NLRC5: variants seen among roughly 807,000 people sequenced by gnomAD.
NLRC5 encodes protein NLRC5.
In NLRC5, 114 loss-of-function variants were observed where a neutral mutation model predicts 206.9. The ratio of observed to expected loss-of-function variants is 0.55; its 90% CI spans 0.47 to 0.64. NLRC5 has a LOEUF of 0.64. Ranked by LOEUF, NLRC5 falls within the 30% of genes least tolerant of loss-of-function variation. The pLI is 0.00. For missense variants in NLRC5, 2,008 were observed against 2,305.5 expected (o/e 0.87, Z 2.64); for synonymous variants, 952 against 962.8 (o/e 0.99, Z 0.21).
intron 27 of NLRC5, among the ~76,000 whole-genome samples, chr16:57,056,287 C>A (rs2065646749): frequency 6.6e-6 from 1 of 152,156 alleles, no homozygotes; most frequent in Non-Finnish European, 1.5e-5. Flanking sequence ...CTGATAAAAT[C>A]ATGGATTTCT....
At chr16:57,070,685 G>C in intron 38 of NLRC5, 67 bp downstream of exon 38, 1 of 1,367,598 alleles carries the variant, frequency 7.3e-7, no homozygotes, top group South Asian at 1.2e-5. Flanking sequence ...GGAAGTGGGT[G>C]AGTGGTGGGG....
intron 39 of NLRC5, 86 bp downstream of exon 39, chr16:57,074,769 C>T: frequency 7.7e-7 from 1 of 1,298,900 alleles, no homozygotes; most frequent in Non-Finnish European, 1.1e-6. Flanking sequence ...GCACTGAGGC[C>T]ACCTCCCAGG....
chr16:57,069,870 G>A lies in NLRC5; in HGVS notation c.4534G>A (p.Ala1512Thr), dbSNP rs758530512. 3.7e-6 allele frequency: 6 copies of A among 1,601,212 alleles called. No individual in the cohort carries two copies. Among genetic ancestry groups the A allele is most frequent in the African/African-American group, 1.3e-5 (1 of 74,866 alleles). The stretch of plus-strand genomic sequence containing the variant: ...CAGCTGTGTGAGCACCGAGGGCCTC[G>A]CCCACCTGGCATCTGGTCTGGGCCA... ...TSSCVSTEGL[A>T]HLASGLGHCH... The change falls in exon 37 of 49, where the codon GCC (alanine) becomes ACC (threonine). Residue 1512 changes from alanine to threonine, a missense_variant. Coordinates refer to ENST00000688547, the MANE Select transcript of NLRC5 (RefSeq NM_001384950.1).
chr16:57,036,347 C>T (rs189913085), intron 14 of NLRC5, among the ~76,000 whole-genome samples, 164 bp downstream of exon 14: 278 of 152,354 alleles, frequency 1.8e-3, no homozygotes, highest in Non-Finnish European at 3.2e-3. Context: ...CCTTCACCTC[C>T]GGCATGAGCC....
chr16:57,015,602 A>G (rs6499864), intron 1 of NLRC5, among the ~76,000 whole-genome samples: 35,886 of 97,828 alleles, frequency 0.37, 5,005 homozygotes, highest in South Asian at 0.48. Flanking sequence ...AAATAAATAA[A>G]TAAATAAATA....
intron 2 of NLRC5, among the ~76,000 whole-genome samples, chr16:57,017,563 C>T (rs1567534075): frequency 1.3e-5 from 2 of 152,198 alleles, no homozygotes; most frequent in East Asian, 3.8e-4. Flanking sequence ...GCTCTTGCTT[C>T]CTGTCTCGTG....
At chr16:57,055,002 G>A (rs1239748989) in intron 25 of NLRC5, 30 bp from the exon 26 acceptor site, 1 of 1,613,904 alleles carries the variant, frequency 6.2e-7, no homozygotes. Context: ...TGTGGCCACA[G>A]CTGTCTGACC....
chr16:57,006,423 T>TTTTTG (rs2058916691), intron 1 of NLRC5, among the ~76,000 whole-genome samples: 1 of 95,430 alleles, frequency 1.0e-5, no homozygotes, highest in Admixed American at 1.0e-4. Flanking sequence ...CTTTTTTTTT[T>TTTTTG]TTTTTTTTTT....
At chr16:57,041,944 C>G in intron 18 of NLRC5, 38 bp from the exon 19 acceptor site, 3 of 1,428,160 alleles carry the variant, frequency 2.1e-6, no homozygotes, top group Non-Finnish European at 2.8e-6. Context: ...CCACTCCCCA[C>G]CTGCTAATGT....
rs761503479 is a variant in NLRC5 at position 57,076,805 on chromosome 16, C to A, written c.4752-14C>A. ...GCTCCTGAAAGCCTCTTGGTCTATT[C>A]CCTGCTTTTCCAGACTGAACAGGAA... is the stretch of plus-strand genomic sequence containing the variant. On this transcript the variant is annotated splice_polypyrimidine_tract_variant and intron_variant, in intron 39 of 48. Transcript: ENST00000688547. 1.2e-5 allele frequency: 19 copies of A among 1,613,586 alleles called. No individual in the cohort carries two copies. Among genetic ancestry groups the A allele is most frequent in the South Asian group, 3.3e-5 (3 of 91,082 alleles).
chr16:57,066,424 G>A (rs771243564), intron 33 of NLRC5, 110 bp from the exon 34 acceptor site: 31 of 888,934 alleles, frequency 3.5e-5, no homozygotes, highest in Non-Finnish European at 5.1e-5. Flanking sequence ...AGGGGAGAAG[G>A]GGACCCAGGC....
At chr16:57,074,806 C>A in intron 39 of NLRC5, 123 bp downstream of exon 39, 1 of 890,660 alleles carries the variant, frequency 1.1e-6, no homozygotes, top group Non-Finnish European at 1.8e-6. Context: ...CCTCCCAGGC[C>A]CATCCCTGTG....
At chr16:57,044,237 G>A (rs911560618) in intron 20 of NLRC5, among the ~76,000 whole-genome samples, 3 of 151,492 alleles carry the variant, frequency 2.0e-5, no homozygotes, top group African/African-American at 4.9e-5. Flanking sequence ...CCCAGGAGGC[G>A]AAGGTTGCAG....
In NLRC5 at chr16:57,063,496, C is replaced by G. The variant is rs139296624; in HGVS notation, c.4155-1716C>G. On this transcript the variant is annotated intron_variant, in intron 32 of 48. Transcript: ENST00000688547. ...GTATCCACTTATCCATCAATTGACA[C>G]TTGGGTTGTCCATTCAAGTGCCCAA... is the stretch of plus-strand genomic sequence containing the variant. Among the ~76,000 whole-genome samples, 861 of 152,272 alleles carry G rather than the reference C, an allele frequency of 5.7e-3. 8 individuals carry two copies. The highest frequency in any genetic ancestry group is 0.019 in the African/African-American group (770 of 41,550).
chr16:57,064,051 CA>C lies in NLRC5; in HGVS notation c.4155-1158del, dbSNP rs1274489239. On this transcript the variant is annotated intron_variant, in intron 32 of 48. Coordinates refer to ENST00000688547, the MANE Select transcript of NLRC5 (RefSeq NM_001384950.1). ...CTGCACCCAGCCAAAATAACATTTT[CA>C]AATAAAACTTTTCTTAGTCTAAAAA... 2.7e-5 allele frequency among the ~76,000 whole-genome samples: 4 copies of C among 149,114 alleles called. No individual in the cohort carries two copies. In the East Asian group the frequency reaches 8.4e-4, roughly 31 times the overall value.
intron 13 of NLRC5, 125 bp from the exon 14 acceptor site, chr16:57,035,975 A>T: frequency 1.2e-6 from 1 of 847,682 alleles, no homozygotes; most frequent in Non-Finnish European, 1.9e-6. Flanking sequence ...TGTCGATTTC[A>T]GTTATTATCA....
At chr16:57,002,199 G>A (rs2058335893) in intron 1 of NLRC5, among the ~76,000 whole-genome samples, 1 of 152,200 alleles carries the variant, frequency 6.6e-6, no homozygotes, top group South Asian at 2.1e-4. Flanking sequence ...CCAGGCTGGA[G>A]TGCAGTGGCA....
At chr16:57,015,587 T>TAAAA (rs1307686720) in intron 1 of NLRC5, among the ~76,000 whole-genome samples, 1 of 126,692 alleles carries the variant, frequency 7.9e-6, no homozygotes, top group African/African-American at 3.1e-5. Flanking sequence ...CCCTGTCTCT[T>TAAAA]AAAAAAATAA....
At chr16:57,044,914 A>G (rs2063746308) in intron 20 of NLRC5, among the ~76,000 whole-genome samples, 2 of 151,278 alleles carry the variant, frequency 1.3e-5, no homozygotes, top group Admixed American at 1.3e-4. Flanking sequence ...TGTCTCAAAG[A>G]AAAAAAAATG....
Sources: allele counts gnomAD v4.1 joint callset (sites outside exome capture counted in the v4.1 genomes callset), GRCh38; gene constraint gnomAD v4.1.1; transcripts MANE v1.5; gene names NCBI Gene and HGNC (gene_info 2026-07-23, HGNC 2026-07-21).